Variants in ESRRG observed in about 807,000 individuals in gnomAD.
ESRRG encodes estrogen related receptor gamma.
Under a neutral mutation model 44.0 loss-of-function variants are expected in ESRRG, and 13 were observed. The observed-to-expected ratio is 0.30, with a 90% CI of 0.19 to 0.47. The LOEUF is 0.47. ESRRG is among the 20% of genes least tolerant of loss of function. The pLI is 1.00. For missense variants in ESRRG, 395 were observed against 580.6 expected (o/e 0.68, Z 3.29); for synonymous variants, 215 against 214.6 (o/e 1.00, Z -0.02).
chr1:216,997,360 T>C (rs2076494090), intron 1 of ESRRG, among the ~76,000 whole-genome samples: 1 of 152,212 alleles, frequency 6.6e-6, no homozygotes, highest in Non-Finnish European at 1.5e-5. Flanking sequence ...TGCAAGGAAC[T>C]AGCAGCCACT....
intron 5 of ESRRG, among the ~76,000 whole-genome samples, chr1:216,528,093 G>T (rs2048226345): frequency 6.6e-6 from 1 of 152,140 alleles, no homozygotes; most frequent in African/African-American, 2.4e-5. Context: ...TCAAAAAGAT[G>T]CGACGTTAGG....
intron 1 of ESRRG, among the ~76,000 whole-genome samples, chr1:216,718,845 T>G (rs747906354): frequency 1.3e-4 from 20 of 152,020 alleles, no homozygotes; most frequent in Non-Finnish European, 2.8e-4. Flanking sequence ...TCTGCTGCAA[T>G]GACTCTAAAG....
At chr1:216,622,234 A>G (rs2062372031) in intron 3 of ESRRG, among the ~76,000 whole-genome samples, 1 of 152,206 alleles carries the variant, frequency 6.6e-6, no homozygotes, top group African/African-American at 2.4e-5. Flanking sequence ...TCAATGGAGA[A>G]AGTCCTTTGT....
chr1:216,693,888 A>G (rs1419132346), intron 1 of ESRRG, among the ~76,000 whole-genome samples: 1 of 152,208 alleles, frequency 6.6e-6, no homozygotes, highest in African/African-American at 2.4e-5. Context: ...ACAAACCATG[A>G]ATTCACACAC....
At chr1:217,040,563 T>C (rs1220896373) in intron 1 of ESRRG, among the ~76,000 whole-genome samples, 1 of 152,216 alleles carries the variant, frequency 6.6e-6, no homozygotes, top group East Asian at 1.9e-4. Context: ...ACTTTTTTTA[T>C]GCTGATGACT....
At chr1:217,055,387 A>G (rs1054048343) in intron 1 of ESRRG, among the ~76,000 whole-genome samples, 1 of 152,132 alleles carries the variant, frequency 6.6e-6, no homozygotes, top group African/African-American at 2.4e-5. Flanking sequence ...CACCTTATAT[A>G]CAGAAACAGT....
chr1:216,908,590 A>G lies in ESRRG; in HGVS notation c.-14+30992T>C, dbSNP rs377016621. 7.6e-4 allele frequency among the ~76,000 whole-genome samples: 115 copies of G among 152,134 alleles called. 2 individuals are homozygous for G. Among genetic ancestry groups the G allele is most frequent in the African/African-American group, 2.6e-3 (106 of 41,512 alleles). On this transcript the variant is annotated intron_variant, in intron 2 of 7. Coordinates refer to the ESRRG transcript ENST00000359162. ...AGGACAGTCTGCTTTTTTAACCCTG[A>G]TTTTCAGAGGTTTTAGATTATACCA...
chr1:216,804,376 G>A (rs773855456), intron 2 of ESRRG, among the ~76,000 whole-genome samples: 8 of 152,100 alleles, frequency 5.3e-5, no homozygotes, highest in Non-Finnish European at 1.2e-4. Flanking sequence ...CAAGGATGCC[G>A]GCTAGAATCC....
upstream of ESRRG, among the ~76,000 whole-genome samples, chr1:216,723,868 G>A (rs1210119100): frequency 6.6e-6 from 1 of 152,056 alleles, no homozygotes; most frequent in African/African-American, 2.4e-5. Flanking sequence ...CAGACTCTCA[G>A]TTAATTTGGG....
intron 1 of ESRRG, among the ~76,000 whole-genome samples, chr1:217,073,228 A>C (rs1333968796): frequency 1.4e-5 from 2 of 143,990 alleles, no homozygotes; most frequent in Non-Finnish European, 3.0e-5. Context: ...AAAAAAAAAA[A>C]ATCCTCATGA....
rs909821527 is a variant in ESRRG, at chr1:217,016,357, T to C, written c.-106+73150A>G. Among the ~76,000 whole-genome samples, 5 of 152,250 alleles carry C rather than the reference T, an allele frequency of 3.3e-5. No individual in the cohort carries two copies. In the South Asian group the frequency reaches 1.0e-3, roughly 32 times the overall value. On this transcript the variant is annotated intron_variant, in intron 1 of 7. Coordinates refer to the ESRRG transcript ENST00000359162. ...GAGCTAGAATTTGGCTCTCATGTGA[T>C]CCGATATGTGATCTTGGGCAAGTAA...
intron 3 of ESRRG, among the ~76,000 whole-genome samples, chr1:216,584,054 T>C (rs1204621043): frequency 2.0e-5 from 3 of 152,122 alleles, no homozygotes; most frequent in Non-Finnish European, 4.4e-5. Context: ...GGAGAGAGCA[T>C]AGCCAAGAGT....
At chr1:216,742,630 AAATG>A (rs952331495) in intron 2 of ESRRG, among the ~76,000 whole-genome samples, 30 of 152,046 alleles carry the variant, frequency 2.0e-4, no homozygotes, top group African/African-American at 7.2e-4. Context: ...AATGACAGCT[AAATG>A]AATGACTGAT....
At chr1:216,904,238 T>C (rs902651460) in intron 2 of ESRRG, among the ~76,000 whole-genome samples, 4 of 151,778 alleles carry the variant, frequency 2.6e-5, no homozygotes, top group African/African-American at 9.7e-5. Context: ...AGTTAATAAT[T>C]TCTTAATTCT....
chr1:217,067,458 A>G (rs2089925343), intron 1 of ESRRG, among the ~76,000 whole-genome samples: 1 of 152,238 alleles, frequency 6.6e-6, no homozygotes, highest in African/African-American at 2.4e-5. Flanking sequence ...ACACTCTAAA[A>G]GTAATGTTGA....
chr1:216,805,889 T>G (rs1411788068), intron 2 of ESRRG, among the ~76,000 whole-genome samples: 1 of 152,012 alleles, frequency 6.6e-6, no homozygotes. Flanking sequence ...GACATAAGAG[T>G]GTATGGATTC....
At chr1:217,106,792 C>A (rs991763122) in intron 1 of ESRRG, among the ~76,000 whole-genome samples, 1 of 152,156 alleles carries the variant, frequency 6.6e-6, no homozygotes, top group Non-Finnish European at 1.5e-5. Flanking sequence ...CTTTGCCTGA[C>A]TTTGAATTGT....
Position 217,051,397 on chromosome 1 carries a change from C to T in ESRRG, c.-106+38110G>A, listed in dbSNP as rs1017463146. On this transcript the variant is annotated intron_variant, in intron 1 of 7. Transcript: ENST00000359162. ...CTGTCCTACTGTTCAGGTTCACACG[C>T]ACCTTCTAATTATAAGAAACAGGCT... 3.9e-5 allele frequency among the ~76,000 whole-genome samples: 6 copies of T among 152,174 alleles called. No homozygotes were observed. The South Asian group carries it at 6.2e-4, about 16-fold the overall frequency.
intron 5 of ESRRG, among the ~76,000 whole-genome samples, chr1:216,544,350 T>G (rs1254719350): frequency 4.6e-5 from 7 of 152,056 alleles, no homozygotes. Flanking sequence ...TTTCTCATTC[T>G]TCCTAAACAA....
Sources: allele counts gnomAD v4.1 joint callset (sites outside exome capture counted in the v4.1 genomes callset), GRCh38; gene constraint gnomAD v4.1.1; transcripts MANE v1.5; gene names NCBI Gene and HGNC (gene_info 2026-07-23, HGNC 2026-07-21).